Variants in KCNT2 observed in about 807,000 individuals in gnomAD.
KCNT2 encodes potassium channel subfamily T member 2.
KCNT2 carries 67 observed loss-of-function variants against 153.8 expected under a neutral mutation model. That is an observed-to-expected ratio of 0.44 (90% CI 0.36 to 0.53). The LOEUF is 0.53. Among genes scored for constraint, KCNT2 ranks in the 20% least tolerant of loss-of-function variants. The pLI is 0.00. For missense variants in KCNT2, 975 were observed against 1,354.8 expected (o/e 0.72, Z 4.40); for synonymous variants, 500 against 458.8 (o/e 1.09, Z -1.15).
In KCNT2 at chr1:196,264,504, C is replaced by T. The variant is rs1657338696; in HGVS notation, c.2911-6010G>A. Among the ~76,000 whole-genome samples the T allele has an allele frequency of 2.0e-5, 3 of 152,276 alleles. No individual in the cohort carries two copies. In the South Asian group the frequency reaches 6.2e-4, roughly 32 times the overall value. Reference sequence around the variant, plus strand: ...TGCCTCCATTTTTGACATTAGACTGCTGACTGCTTTCAAGTGCCAACACTC... The same window carrying T: ...TGCCTCCATTTTTGACATTAGACTGTTGACTGCTTTCAAGTGCCAACACTC... On this transcript the variant is annotated intron_variant, in intron 25 of 27. Coordinates refer to ENST00000294725, the MANE Select transcript of KCNT2 (RefSeq NM_198503.5).
At chr1:196,394,235 G>A (rs1459801268) in intron 13 of KCNT2, among the ~76,000 whole-genome samples, 1 of 151,598 alleles carries the variant, frequency 6.6e-6, no homozygotes, top group Non-Finnish European at 1.5e-5. Flanking sequence ...AATAACTGTT[G>A]CAAATGTTCT....
intron 8 of KCNT2, among the ~76,000 whole-genome samples, chr1:196,430,407 T>A (rs983695782): frequency 6.8e-6 from 1 of 147,034 alleles, no homozygotes; most frequent in Non-Finnish European, 1.5e-5. Context: ...TCTCTCTCTC[T>A]TTCTCTCTCT....
intron 22 of KCNT2, among the ~76,000 whole-genome samples, chr1:196,304,665 A>G (rs1389730570): frequency 6.6e-6 from 1 of 152,170 alleles, no homozygotes; most frequent in Non-Finnish European, 1.5e-5. Context: ...ATGGAAACCA[A>G]ATCTTTCTGA....
At chr1:196,546,325 G>T (rs901972837) in intron 1 of KCNT2, among the ~76,000 whole-genome samples, 4 of 152,010 alleles carry the variant, frequency 2.6e-5, no homozygotes, top group Non-Finnish European at 4.4e-5. Context: ...CATACATTTG[G>T]TGTTACATCA....
intron 1 of KCNT2, among the ~76,000 whole-genome samples, chr1:196,562,902 T>G (rs1291691645): frequency 6.6e-6 from 1 of 152,044 alleles, no homozygotes; most frequent in Non-Finnish European, 1.5e-5. Context: ...ACCATCTAAA[T>G]ATAGTGCAGA....
chr1:196,343,368 A>G (rs930629629), intron 14 of KCNT2, among the ~76,000 whole-genome samples: 4 of 152,206 alleles, frequency 2.6e-5, no homozygotes, highest in East Asian at 1.9e-4. Flanking sequence ...CTCATTTTAT[A>G]TAATAAATTC....
chr1:196,241,772 T>C (rs1276956649), intron 26 of KCNT2, among the ~76,000 whole-genome samples: 1 of 152,114 alleles, frequency 6.6e-6, no homozygotes, highest in East Asian at 1.9e-4. Flanking sequence ...CAAATAAAAC[T>C]AATTACTTGA....
intron 1 of KCNT2, among the ~76,000 whole-genome samples, chr1:196,587,357 C>A (rs1270013896): frequency 3.3e-5 from 5 of 151,954 alleles, no homozygotes; most frequent in South Asian, 2.1e-4. Flanking sequence ...CAAGACCATA[C>A]AGTTACTAAA....
At chr1:196,322,129 A>G (rs547323063) in intron 19 of KCNT2, among the ~76,000 whole-genome samples, 2 of 152,064 alleles carry the variant, frequency 1.3e-5, no homozygotes, top group Non-Finnish European at 2.9e-5. Context: ...CAGTAGAATA[A>G]AATGTATGCA....
intron 22 of KCNT2, among the ~76,000 whole-genome samples, chr1:196,292,573 G>A (rs1660284163): frequency 6.6e-6 from 1 of 152,084 alleles, no homozygotes; most frequent in Non-Finnish European, 1.5e-5. Context: ...TTGGGAGGCC[G>A]AGGCGGGCGG....
At chr1:196,459,844 A>T (rs1172311128) in intron 8 of KCNT2, among the ~76,000 whole-genome samples, 1 of 151,802 alleles carries the variant, frequency 6.6e-6, no homozygotes, top group Admixed American at 6.6e-5. Context: ...TCAAGTAAAC[A>T]TTCCTAAATC....
intron 12 of KCNT2, among the ~76,000 whole-genome samples, chr1:196,407,841 A>G (rs1671958717): frequency 7.2e-6 from 1 of 139,158 alleles, no homozygotes; most frequent in African/African-American, 2.5e-5. Context: ...AGCCGGGAAT[A>G]AAAACAATTT....
chr1:196,301,779 G>T (rs576561354), intron 22 of KCNT2, among the ~76,000 whole-genome samples: 1 of 151,830 alleles, frequency 6.6e-6, no homozygotes, highest in African/African-American at 2.4e-5. Flanking sequence ...TCTCTCTGTC[G>T]CCCAGGCTGG....
At chr1:196,274,740 A>G (rs1365382366) in intron 25 of KCNT2, among the ~76,000 whole-genome samples, 1 of 151,854 alleles carries the variant, frequency 6.6e-6, no homozygotes, top group Admixed American at 6.6e-5. Flanking sequence ...TACTGCATAC[A>G]CTATAAATTA....
chr1:196,454,753 A>T (rs1308686848), intron 8 of KCNT2, among the ~76,000 whole-genome samples: 3 of 152,040 alleles, frequency 2.0e-5, no homozygotes, highest in Non-Finnish European at 4.4e-5. Flanking sequence ...AACAGCATTT[A>T]AAAAATTTAC....
chr1:196,550,522 G>T (rs1657754148), intron 1 of KCNT2, among the ~76,000 whole-genome samples: 2 of 151,834 alleles, frequency 1.3e-5, no homozygotes, highest in Admixed American at 1.3e-4. Context: ...CAAGAAAATA[G>T]CTTTAGACTT....
intron 14 of KCNT2, among the ~76,000 whole-genome samples, chr1:196,346,180 A>G (rs903635803): frequency 6.6e-6 from 1 of 152,134 alleles, no homozygotes; most frequent in Non-Finnish European, 1.5e-5. Context: ...ACCAATAATT[A>G]AAGCTTTTTG....
intron 1 of KCNT2, among the ~76,000 whole-genome samples, chr1:196,501,890 A>T (rs895808376): frequency 6.6e-6 from 1 of 152,178 alleles, no homozygotes; most frequent in Non-Finnish European, 1.5e-5. Flanking sequence ...AGGCCAAGGC[A>T]GGCACATTGC....
At position 196,322,762 on chromosome 1, in the gene KCNT2, C is replaced by T. The variant is rs187552806; in HGVS notation, c.2277-3207G>A. Among the ~76,000 whole-genome samples, 263 of 151,970 alleles carry T rather than the reference C, an allele frequency of 1.7e-3. 5 individuals are homozygous for T. The highest frequency in any genetic ancestry group is 0.016 in the Admixed American group (247 of 15,206). ...AAGTTCAAGAAATGAGCATAGCATG[C>T]TTTTATGAGCACAGTTTATTTTGTT... On this transcript the variant is annotated intron_variant, in intron 19 of 27. Coordinates refer to ENST00000294725, the MANE Select transcript of KCNT2 (RefSeq NM_198503.5).
Sources: allele counts gnomAD v4.1 joint callset (sites outside exome capture counted in the v4.1 genomes callset), GRCh38; gene constraint gnomAD v4.1.1; transcripts MANE v1.5; gene names NCBI Gene and HGNC (gene_info 2026-07-23, HGNC 2026-07-21).